The following PTPRM variants were observed in gnomAD, a reference collection of about 807,000 sequenced individuals.
PTPRM encodes the protein receptor-type tyrosine-protein phosphatase mu.
A neutral mutation model predicts 186.7 loss-of-function variants in PTPRM; 47 were observed. The observed-to-expected ratio is 0.25, with a 90% CI of 0.20 to 0.32. PTPRM has a LOEUF of 0.32. PTPRM is among the 10% of genes least tolerant of loss of function. PTPRM has a pLI of 1.00. For synonymous variants in PTPRM, 668 were observed against 674.9 expected (o/e 0.99, Z 0.16); for missense variants, 1,494 against 1,865.0 (o/e 0.80, Z 3.66).
chr18:7,694,239 G>A (rs1313323889), intron 1 of PTPRM, among the ~76,000 whole-genome samples: 3 of 152,124 alleles, frequency 2.0e-5, no homozygotes, highest in African/African-American at 7.2e-5. Context: ...GAGTGTGTTA[G>A]TCTTAGTGAA....
chr18:7,575,293 G>T (rs902694256), intron 1 of PTPRM, among the ~76,000 whole-genome samples: 20 of 152,336 alleles, frequency 1.3e-4, no homozygotes, highest in African/African-American at 4.8e-4. Flanking sequence ...ATCCGCAGCT[G>T]ATCACTAGGT....
intron 7 of PTPRM, among the ~76,000 whole-genome samples, chr18:7,995,236 A>T (rs1163700276): frequency 1.3e-5 from 2 of 152,152 alleles, no homozygotes; most frequent in African/African-American, 4.8e-5. Context: ...GAAGAAATAG[A>T]AAACCTGTGC....
At chr18:7,700,766 G>C (rs567843110) in intron 1 of PTPRM, among the ~76,000 whole-genome samples, 1 of 152,126 alleles carries the variant, frequency 6.6e-6, no homozygotes, top group African/African-American at 2.4e-5. Flanking sequence ...TGAGGGAGGA[G>C]GATTACTTTA....
intron 7 of PTPRM, among the ~76,000 whole-genome samples, chr18:7,988,598 A>T (rs1351853370): frequency 1.3e-5 from 2 of 152,048 alleles, no homozygotes; most frequent in South Asian, 2.1e-4. Flanking sequence ...GACAACTTTT[A>T]TTCTATTTTC....
chr18:7,765,764 G>A (rs1384729468), intron 1 of PTPRM, among the ~76,000 whole-genome samples: 16 of 152,176 alleles, frequency 1.1e-4, no homozygotes, highest in Non-Finnish European at 2.4e-4. Flanking sequence ...TCTATTGAGA[G>A]ACCCATTTAA....
chr18:8,122,953 T>G (rs1226040325), intron 13 of PTPRM, among the ~76,000 whole-genome samples: 1 of 152,244 alleles, frequency 6.6e-6, no homozygotes, highest in Non-Finnish European at 1.5e-5. Flanking sequence ...TTGAATAATT[T>G]AGGAAAGTTT....
chr18:7,626,194 G>T (rs545554216), intron 1 of PTPRM, among the ~76,000 whole-genome samples: 19 of 152,186 alleles, frequency 1.2e-4, no homozygotes, highest in Admixed American at 3.3e-4. Flanking sequence ...TTCATTCTAG[G>T]CTTGCTTTTA....
intron 2 of PTPRM, among the ~76,000 whole-genome samples, chr18:7,872,469 G>GT (rs1220217195): frequency 4.6e-5 from 7 of 151,564 alleles, no homozygotes; most frequent in African/African-American, 1.5e-4. Flanking sequence ...TACCTGGTTT[G>GT]TTTTTTTTAC....
At chr18:8,150,925 C>G (rs1173307309) in intron 14 of PTPRM, among the ~76,000 whole-genome samples, 1 of 152,244 alleles carries the variant, frequency 6.6e-6, no homozygotes, top group African/African-American at 2.4e-5. Context: ...GAGGTCCGCT[C>G]CAGACCTTGT....
intron 1 of PTPRM, among the ~76,000 whole-genome samples, chr18:7,642,518 G>T (rs2038467456): frequency 6.6e-6 from 1 of 152,146 alleles, no homozygotes; most frequent in Non-Finnish European, 1.5e-5. Flanking sequence ...GCAACCAGAA[G>T]AACCAATTTG....
intron 1 of PTPRM, among the ~76,000 whole-genome samples, chr18:7,772,432 C>CTTTT (rs1448215660): frequency 7.9e-6 from 1 of 125,970 alleles, no homozygotes; most frequent in African/African-American, 3.3e-5. Context: ...TTCTCCCTTC[C>CTTTT]CCTTCCCCTT....
intron 7 of PTPRM, among the ~76,000 whole-genome samples, chr18:7,983,233 C>T (rs1599855306): frequency 6.6e-6 from 1 of 152,042 alleles, no homozygotes; most frequent in Non-Finnish European, 1.5e-5. Flanking sequence ...ATTAGATTTT[C>T]GTGGGAGTGC....
At chr18:7,860,532 G>A (rs1009124176) in intron 2 of PTPRM, among the ~76,000 whole-genome samples, 8 of 152,130 alleles carry the variant, frequency 5.3e-5, no homozygotes, top group African/African-American at 1.9e-4. Context: ...TATGCAACTT[G>A]GGAAACCCAC....
chr18:8,210,422 C>T (rs1265991112), intron 14 of PTPRM, among the ~76,000 whole-genome samples: 1 of 152,166 alleles, frequency 6.6e-6, no homozygotes, highest in Non-Finnish European at 1.5e-5. Context: ...GGTCCTGCCA[C>T]AACCCAAGGA....
At chr18:7,788,616 C>A (rs567428659) in intron 2 of PTPRM, among the ~76,000 whole-genome samples, 1 of 152,172 alleles carries the variant, frequency 6.6e-6, no homozygotes, top group African/African-American at 2.4e-5. Flanking sequence ...CAAAATGATA[C>A]AAAGGTGGCT....
intron 26 of PTPRM, 21 bp downstream of exon 26, chr18:8,376,618 G>A: frequency 6.2e-7 from 1 of 1,602,834 alleles, no homozygotes; most frequent in African/African-American, 1.3e-5. Flanking sequence ...TCATCACCTA[G>A]CCTGGGGCCT....
intron 1 of PTPRM, among the ~76,000 whole-genome samples, chr18:7,605,796 C>T (rs187735417): frequency 6.6e-5 from 10 of 152,290 alleles, no homozygotes; most frequent in African/African-American, 2.4e-4. Context: ...GTGTTGTCAG[C>T]CCAGCCCTCC....
chr18:7,776,126 A>T (rs996901318), intron 2 of PTPRM, among the ~76,000 whole-genome samples: 1 of 152,228 alleles, frequency 6.6e-6, no homozygotes, highest in African/African-American at 2.4e-5. Flanking sequence ...GAAGAATGAC[A>T]TGGAGGCATT....
intron 1 of PTPRM, among the ~76,000 whole-genome samples, chr18:7,575,587 CT>C (rs2036668268): frequency 6.6e-6 from 1 of 152,148 alleles, no homozygotes; most frequent in South Asian, 2.1e-4. Context: ...TCATATGTTG[CT>C]GCTAATCTAC....
Sources: allele counts gnomAD v4.1 joint callset (sites outside exome capture counted in the v4.1 genomes callset), GRCh38; gene constraint gnomAD v4.1.1; transcripts MANE v1.5; gene names NCBI Gene and HGNC (gene_info 2026-07-23, HGNC 2026-07-21).